Variants in RPH3A observed in about 807,000 individuals in gnomAD.
The protein encoded by RPH3A is rabphilin 3A.
A neutral mutation model predicts 102.2 loss-of-function variants in RPH3A; 48 were observed. The observed-to-expected ratio is 0.47, with a 90% confidence interval of 0.37 to 0.60. The LOEUF (loss-of-function observed/expected upper bound fraction) is 0.60, where lower values mean the gene tolerates loss of function less well. RPH3A is among the 20% of genes least tolerant of loss of function. The pLI, the probability that RPH3A is intolerant of heterozygous loss-of-function variation, is 0.00. For missense variants in RPH3A, 781 were observed against 910.1 expected (o/e 0.86, Z 1.83); for synonymous variants, 310 against 324.3 (o/e 0.96, Z 0.47).
intron 1 of RPH3A, among the ~76,000 whole-genome samples, chr12:112,602,074 A>G (rs538297466): frequency 6.6e-6 from 1 of 152,298 alleles, no homozygotes; most frequent in African/African-American, 2.4e-5. Context: ...GGCACACAAG[A>G]GCCTTCAGAT....
At chr12:112,764,749 C>G (rs764549299) in intron 1 of RPH3A, among the ~76,000 whole-genome samples, 257 of 151,974 alleles carry the variant, frequency 1.7e-3, no homozygotes, top group Non-Finnish European at 3.0e-3. Flanking sequence ...CCTTATGGCT[C>G]TGGCCCCTGG....
At position 112,851,367 on chromosome 12, in the gene RPH3A, T is replaced by C. The variant is rs2042320152; in HGVS notation, c.230+3525T>C. Among the ~76,000 whole-genome samples, 2 of 152,228 alleles carry C rather than the reference T, an allele frequency of 1.3e-5. 1 individual carries two copies. Among genetic ancestry groups the C allele is most frequent in the South Asian group, 4.1e-4 (2 of 4,832 alleles). ...AGATGTGTTGCAAATTCCTAGGCTC[T>C]GTAGAACATGGAAATTTTAATTACT... On this transcript the variant is annotated intron_variant, in intron 5 of 21. Coordinates refer to ENST00000389385, the MANE Select transcript of RPH3A (RefSeq NM_001143854.2).
At chr12:112,874,963 G>A (rs893713134) in intron 10 of RPH3A, 121 bp from the exon 11 acceptor site, 32 of 693,622 alleles carry the variant, frequency 4.6e-5, no homozygotes, top group Non-Finnish European at 7.4e-5. Flanking sequence ...AGCGAGTGAG[G>A]AGCTGCCTCC....
intron 14 of RPH3A, among the ~76,000 whole-genome samples, chr12:112,881,100 A>T (rs1198090795): frequency 6.6e-6 from 1 of 152,190 alleles, no homozygotes; most frequent in African/African-American, 2.4e-5. Flanking sequence ...TGCTGTGCAG[A>T]GGGATGACGG....
At chr12:112,861,266 G>A (rs1238933716) in intron 5 of RPH3A, among the ~76,000 whole-genome samples, 1 of 152,222 alleles carries the variant, frequency 6.6e-6, no homozygotes, top group African/African-American at 2.4e-5. Context: ...AAAAGTCCAG[G>A]CTAAAATCAA....
intron 18 of RPH3A, 53 bp downstream of exon 18, chr12:112,890,133 C>G (rs753581030): frequency 1.1e-4 from 157 of 1,491,098 alleles, no homozygotes; most frequent in Non-Finnish European, 1.3e-4. Flanking sequence ...CTGGGCTAGG[C>G]TAGCATCTTC....
chr12:112,707,689 T>A (rs2040434881), intron 1 of RPH3A, among the ~76,000 whole-genome samples: 2 of 152,262 alleles, frequency 1.3e-5, no homozygotes, highest in Non-Finnish European at 1.5e-5. Context: ...CATCCCAGAA[T>A]GTGACTAGGC....
At chr12:112,661,029 T>G (rs2040045332) in intron 1 of RPH3A, among the ~76,000 whole-genome samples, 1 of 152,134 alleles carries the variant, frequency 6.6e-6, no homozygotes, top group African/African-American at 2.4e-5. Flanking sequence ...TCTGGCCTCA[T>G]AGAGGCTTAG....
intron 4 of RPH3A, chr12:112,841,958 A>G: frequency 2.2e-6 from 1 of 456,018 alleles, no homozygotes; most frequent in Non-Finnish European, 4.4e-6. Flanking sequence ...AACTAGGTTC[A>G]TGTTTGTGCA....
intron 1 of RPH3A, among the ~76,000 whole-genome samples, chr12:112,686,079 A>T (rs912834480): frequency 3.9e-5 from 6 of 152,156 alleles, no homozygotes; most frequent in African/African-American, 9.7e-5. Flanking sequence ...ACTATGTCTT[A>T]TTCCTTAATA....
chr12:112,732,922 C>T (rs970290240), intron 1 of RPH3A, among the ~76,000 whole-genome samples: 6 of 152,172 alleles, frequency 3.9e-5, no homozygotes, highest in East Asian at 1.9e-4. Flanking sequence ...GGTAATTGGA[C>T]TTTGGGAATG....
At chr12:112,585,512 A>G (rs1302796660) in intron 1 of RPH3A, among the ~76,000 whole-genome samples, 1 of 152,194 alleles carries the variant, frequency 6.6e-6, no homozygotes, top group Non-Finnish European at 1.5e-5. Flanking sequence ...AGACAGGTGG[A>G]TCACTTGAGG....
chr12:112,609,346 T>C (rs2039621315), intron 1 of RPH3A, among the ~76,000 whole-genome samples: 1 of 152,218 alleles, frequency 6.6e-6, no homozygotes, highest in African/African-American at 2.4e-5. Flanking sequence ...GGAATTAGAC[T>C]GTTCTTCCTA....
At chr12:112,733,192 C>T (rs1284011164) in intron 1 of RPH3A, among the ~76,000 whole-genome samples, 1 of 152,132 alleles carries the variant, frequency 6.6e-6, no homozygotes, top group Non-Finnish European at 1.5e-5. Context: ...GATTTGCACA[C>T]ACACCCGTAC....
At chr12:112,637,340 G>T (rs1238146253) in intron 1 of RPH3A, among the ~76,000 whole-genome samples, 2 of 152,120 alleles carry the variant, frequency 1.3e-5, no homozygotes, top group Non-Finnish European at 2.9e-5. Context: ...ATGAGTCTGT[G>T]AGTACCTATC....
intron 1 of RPH3A, among the ~76,000 whole-genome samples, chr12:112,757,804 T>C (rs2040831390): frequency 6.6e-6 from 1 of 152,126 alleles, no homozygotes; most frequent in Non-Finnish European, 1.5e-5. Context: ...CAGGTTAACA[T>C]CCTACTGGGA....
intron 1 of RPH3A, among the ~76,000 whole-genome samples, chr12:112,639,577 TG>T (rs1399154497): frequency 6.6e-6 from 1 of 152,130 alleles, no homozygotes; most frequent in African/African-American, 2.4e-5. Context: ...GGATGATCTG[TG>T]CAGCAAACCA....
chr12:112,815,618 C>T (rs896955864), intron 2 of RPH3A, among the ~76,000 whole-genome samples: 1 of 152,140 alleles, frequency 6.6e-6, no homozygotes. Flanking sequence ...TGTGGTCTTC[C>T]GTGGCTTGAT....
At chr12:112,665,783 T>A (rs1365988197) in intron 1 of RPH3A, among the ~76,000 whole-genome samples, 2 of 152,226 alleles carry the variant, frequency 1.3e-5, no homozygotes, top group Non-Finnish European at 2.9e-5. Context: ...CATAAGGAGA[T>A]TAGACTTATT....
Sources: gnomAD v4.1 joint callset for allele counts (sites outside exome capture counted in the v4.1 genomes callset) on GRCh38, gnomAD v4.1.1 for gene constraint, MANE v1.5 for transcripts, NCBI Gene and HGNC (gene_info 2026-07-23, HGNC 2026-07-21) for gene names.